Variants in ADAMTS18 observed in about 807,000 individuals in gnomAD.
ADAMTS18 encodes ADAM metallopeptidase with thrombospondin type 1 motif 18, also known as A disintegrin and metalloproteinase with thrombospondin motifs 18.
ADAMTS18 carries 157 observed loss-of-function variants against 165.9 expected under a neutral mutation model. That is an observed-to-expected ratio of 0.95 (90% CI 0.83 to 1.08). The LOEUF is 1.08. ADAMTS18 is among the 50% of genes least tolerant of loss of function. The probability of loss-of-function intolerance (pLI) is 0.00; values close to 1 mark genes in which losing one functional copy is unlikely to be tolerated. For synonymous variants in ADAMTS18, 782 were observed against 578.2 expected (o/e 1.35, Z -5.06); for missense variants, 2,040 against 1,534.0 (o/e 1.33, Z -5.51).
chr16:77,415,950 C>A lies in ADAMTS18; in HGVS notation c.495+15345G>T, dbSNP rs899377232. Among the ~76,000 whole-genome samples the A allele has an allele frequency of 6.1e-4, 93 of 152,226 alleles. 1 individual carries two copies. Among genetic ancestry groups the A allele is most frequent in the African/African-American group, 1.8e-3 (73 of 41,546 alleles). On this transcript the variant is annotated intron_variant, in intron 3 of 22. Coordinates refer to ENST00000282849, the MANE Select transcript of ADAMTS18 (RefSeq NM_199355.4). ...TATTACTTGCCAGGGATGATTCCAG[C>A]CACTGGAAATACAGCAGTGAATAGC... is the stretch of plus-strand genomic sequence containing the variant.
intron 16 of ADAMTS18, among the ~76,000 whole-genome samples, chr16:77,300,797 C>G (rs757182416): frequency 6.6e-6 from 1 of 152,038 alleles, no homozygotes; most frequent in Non-Finnish European, 1.5e-5. Flanking sequence ...ATAGTCGTAC[C>G]CTACAGAAAA....
At chr16:77,407,694 G>C (rs1449269516) in intron 3 of ADAMTS18, among the ~76,000 whole-genome samples, 3 of 152,082 alleles carry the variant, frequency 2.0e-5, no homozygotes, top group Non-Finnish European at 4.4e-5. Context: ...TGTGCCTGTA[G>C]TGTCTTTCTG....
At chr16:77,376,716 G>T (rs1240274519) in intron 3 of ADAMTS18, among the ~76,000 whole-genome samples, 1 of 150,778 alleles carries the variant, frequency 6.6e-6, no homozygotes, top group Non-Finnish European at 1.5e-5. Flanking sequence ...TATTTAAATA[G>T]TTTAATGTTT....
chr16:77,403,959 G>A (rs1282055278), intron 3 of ADAMTS18, among the ~76,000 whole-genome samples: 1 of 152,054 alleles, frequency 6.6e-6, no homozygotes. Context: ...GCAGAGATCT[G>A]AATGACAATT....
chr16:77,374,949 G>A (rs1047616069), intron 3 of ADAMTS18, among the ~76,000 whole-genome samples: 2 of 151,952 alleles, frequency 1.3e-5, no homozygotes, highest in South Asian at 2.1e-4. Context: ...AGAAAACCTT[G>A]GAATCTAACC....
chr16:77,313,006 G>A (rs2055811979), intron 16 of ADAMTS18, among the ~76,000 whole-genome samples: 3 of 152,246 alleles, frequency 2.0e-5, no homozygotes, highest in African/African-American at 7.2e-5. Context: ...TATATTTATT[G>A]CGGCACTATT....
intron 15 of ADAMTS18, 46 bp from the exon 16 acceptor site, chr16:77,320,139 G>GGA: frequency 6.2e-7 from 1 of 1,611,984 alleles, no homozygotes; most frequent in African/African-American, 1.3e-5. Flanking sequence ...CCCATGCATT[G>GGA]GAGAAAAGGG....
intron 3 of ADAMTS18, among the ~76,000 whole-genome samples, chr16:77,394,964 A>G (rs1250388012): frequency 2.6e-5 from 4 of 152,144 alleles, no homozygotes; most frequent in African/African-American, 9.7e-5. Flanking sequence ...CACCATTTCT[A>G]TCTAGGCTCT....
intron 3 of ADAMTS18, among the ~76,000 whole-genome samples, chr16:77,407,727 T>C (rs1353002283): frequency 2.0e-5 from 3 of 152,040 alleles, no homozygotes; most frequent in Non-Finnish European, 4.4e-5. Context: ...ATCAGGTGAA[T>C]TTCCAATTGG....
In ADAMTS18 at chr16:77,283,183, T is replaced by TA. The variant is rs1275076414; in HGVS notation, c.*772dup. 6.6e-6 allele frequency: 1 copy of TA among 152,612 alleles called. No individual in the cohort carries two copies. Among genetic ancestry groups the TA allele is most frequent in the Non-Finnish European group, 1.5e-5 (1 of 68,036 alleles). 9.5% of individuals were successfully genotyped at this position (152,612 alleles called of 1,614,324 possible). ...GACTGATTCAGCAAGCACCAAAAGT[T>TA]ACGAGGTTGATAACATGTGAAGGGC... On this transcript the variant is annotated 3_prime_UTR_variant, in exon 23 of 23. Transcript: ENST00000282849.
chr16:77,371,721 T>C (rs2056878932), intron 3 of ADAMTS18, among the ~76,000 whole-genome samples: 1 of 152,280 alleles, frequency 6.6e-6, no homozygotes, highest in South Asian at 2.1e-4. Flanking sequence ...GCAAGGATTT[T>C]TTGGAGAAAA....
Position 77,284,069 on chromosome 16 carries a change from C to G in ADAMTS18, c.3553G>C (p.Asp1185His). The G allele has an allele frequency of 6.2e-7, 1 of 1,605,160 alleles. No individual in the cohort carries two copies. The highest frequency in any genetic ancestry group is 8.5e-7 in the Non-Finnish European group (1 of 1,172,172). The change falls in exon 23 of 23, where the codon GAT (aspartate) becomes CAT (histidine). Residue 1185 changes from aspartate to histidine, a missense_variant and splice_region_variant. By Grantham distance (81) the Asp-to-His change is moderately conservative. Coordinates refer to ENST00000282849, the MANE Select transcript of ADAMTS18 (RefSeq NM_199355.4). ...NFCPAPEKRE[D>H]PSCVDFFNWC... Reference sequence around the variant, plus strand: ...TTGAAGAAATCTACGCAGGATGGATCCTCTAAAATAAGAAAATATATTTAG... The same window carrying G: ...TTGAAGAAATCTACGCAGGATGGATGCTCTAAAATAAGAAAATATATTTAG...
At chr16:77,354,953 T>C (rs1292719187) in intron 9 of ADAMTS18, among the ~76,000 whole-genome samples, 1 of 152,202 alleles carries the variant, frequency 6.6e-6, no homozygotes, top group African/African-American at 2.4e-5. Flanking sequence ...CAAAGCTTAC[T>C]AACAAAAAGT....
In ADAMTS18 at chr16:77,367,497, G is replaced by A. The variant is rs2056813113; in HGVS notation, c.722C>T (p.Thr241Ile). Reference protein sequence around the residue: ...HIPHASQSRETEYHHRRLQKQ... With the variant: ...HIPHASQSREIEYHHRRLQKQ... ...TTGCAACCTTCGATGGTGATACTCT[G>A]TCTCTCGACTCTGAGATGCATGGGG... The change falls in exon 4 of 23, where the codon ACA becomes ATA. Residue 241 changes from threonine (T) to isoleucine (I), a missense_variant. Transcript: ENST00000282849. 1 of 1,614,092 alleles carries A rather than the reference G, an allele frequency of 6.2e-7. No individual in the cohort carries two copies. Among genetic ancestry groups the A allele is most frequent in the Non-Finnish European group, 8.5e-7 (1 of 1,180,038 alleles).
chr16:77,313,299 TG>T (rs1401654182), intron 16 of ADAMTS18, among the ~76,000 whole-genome samples: 2 of 150,996 alleles, frequency 1.3e-5, no homozygotes, highest in African/African-American at 4.9e-5. Flanking sequence ...TGTCGTCGGG[TG>T]GGGGCAGGGG....
chr16:77,344,283 C>T (rs977498186), intron 10 of ADAMTS18, among the ~76,000 whole-genome samples: 1 of 151,728 alleles, frequency 6.6e-6, no homozygotes, highest in Admixed American at 6.6e-5. Context: ...ACCAGCTGCC[C>T]CAGATGTGGG....
chr16:77,335,883 C>T lies in ADAMTS18; in HGVS notation c.1732G>A (p.Val578Ile), dbSNP rs143359890. Residue 578 changes from valine (V) to isoleucine (I), a missense_variant, in exon 12 of 23, where the codon GTA (valine) becomes ATA (isoleucine). By Grantham distance (29) the Val-to-Ile change is conservative (BLOSUM62 3). Transcript: ENST00000282849. Reference protein sequence around the residue: ...LSMWCRQGQCVKFGELGPRPI... With the variant: ...LSMWCRQGQCIKFGELGPRPI... ...CGGGGCCCGAGCTCCCCAAACTTTA[C>T]GCACTGGCCTTGCCGACACCACTGT... 599 of 1,614,208 alleles carry T rather than the reference C, an allele frequency of 3.7e-4. 8 individuals are homozygous for T. In the South Asian group the frequency reaches 5.4e-3, roughly 15 times the overall value.
intron 3 of ADAMTS18, among the ~76,000 whole-genome samples, chr16:77,373,658 C>G (rs2056909181): frequency 6.6e-6 from 1 of 152,018 alleles, no homozygotes; most frequent in Non-Finnish European, 1.5e-5. Flanking sequence ...TCACAAATCA[C>G]CACTAAAGAA....
At chr16:77,406,976 T>A (rs928757572) in intron 3 of ADAMTS18, among the ~76,000 whole-genome samples, 1 of 151,988 alleles carries the variant, frequency 6.6e-6, no homozygotes, top group African/African-American at 2.4e-5. Context: ...GCTGAAAAAC[T>A]ACCTATTGGG....
Sources: allele counts gnomAD v4.1 joint callset (sites outside exome capture counted in the v4.1 genomes callset), GRCh38; gene constraint gnomAD v4.1.1; transcripts MANE v1.5; gene names NCBI Gene and HGNC (gene_info 2026-07-23, HGNC 2026-07-21).